The following ZMYM5 variants were observed in gnomAD, a reference collection of about 807,000 sequenced individuals.
The protein encoded by ZMYM5 is zinc finger MYM-type protein 5.
Under a neutral mutation model 61.8 loss-of-function variants are expected in ZMYM5, and 41 were observed. That is an observed-to-expected ratio of 0.66 (90% CI 0.52 to 0.86). The LOEUF (loss-of-function observed/expected upper bound fraction) is 0.86. Ranked by LOEUF, ZMYM5 falls within the 40% of genes least tolerant of loss-of-function variation. ZMYM5 has a pLI of 0.00. For missense variants in ZMYM5, 706 were observed against 786.7 expected, an observed-to-expected ratio of 0.90 and a Z score of 1.23; for synonymous variants, 257 against 276.4, an observed-to-expected ratio of 0.93 and a Z score of 0.70.
At chr13:19,850,981 GGT>G (rs1390514877) in intron 4 of ZMYM5, among the ~76,000 whole-genome samples, 1 of 152,196 alleles carries the variant, frequency 6.6e-6, no homozygotes, top group African/African-American at 2.4e-5. Flanking sequence ...AGCCAAGACA[GGT>G]GGATCACTTG....
intron 4 of ZMYM5, among the ~76,000 whole-genome samples, chr13:19,848,888 C>T (rs1302623910): frequency 6.6e-6 from 1 of 151,862 alleles, no homozygotes; most frequent in Non-Finnish European, 1.5e-5. Context: ...CTATACCTGG[C>T]TAAAGCTTTA....
At chr13:19,851,667 T>C (rs1286761236) in intron 3 of ZMYM5, 22 bp downstream of exon 3, 5 of 1,557,504 alleles carry the variant, frequency 3.2e-6, no homozygotes, top group Non-Finnish European at 4.3e-6. Flanking sequence ...GTGATACCAC[T>C]ATTACCCATT....
intron 6 of ZMYM5, 83 bp downstream of exon 6, chr13:19,837,573 A>T (rs1420551275): frequency 6.2e-7 from 1 of 1,608,404 alleles, no homozygotes; most frequent in East Asian, 2.2e-5. Flanking sequence ...TGCATTATGT[A>T]GATGAAAGAG....
At chr13:19,863,409 C>T (rs1465852973) in intron 1 of ZMYM5, 41 bp downstream of exon 1, 1 of 152,174 alleles carries the variant, frequency 6.6e-6, no homozygotes, top group Non-Finnish European at 1.5e-5. Flanking sequence ...CGGTGGGAGC[C>T]TCCGGAGGCT....
intron 2 of ZMYM5, among the ~76,000 whole-genome samples, chr13:19,861,008 G>T (rs546659907): frequency 4.7e-4 from 71 of 150,904 alleles, no homozygotes; most frequent in African/African-American, 1.5e-3. Flanking sequence ...TTAAGACAGG[G>T]TATGGCTCTG....
chr13:19,862,950 C>A (rs1311683166), intron 1 of ZMYM5, among the ~76,000 whole-genome samples: 1 of 152,204 alleles, frequency 6.6e-6, no homozygotes, highest in Non-Finnish European at 1.5e-5. Flanking sequence ...AGATCAGCAG[C>A]AAAGAGTAAA....
chr13:19,855,268 C>T (rs952747468), intron 2 of ZMYM5, among the ~76,000 whole-genome samples: 3 of 145,464 alleles, frequency 2.1e-5, no homozygotes, highest in Non-Finnish European at 1.5e-5. Context: ...ACAGTATCTT[C>T]TTTTTTTTTT....
chr13:19,825,876 G>C (rs1197286352), intron 7 of ZMYM5, among the ~76,000 whole-genome samples: 1 of 151,758 alleles, frequency 6.6e-6, no homozygotes, highest in African/African-American at 2.4e-5. Flanking sequence ...CCCCGTCTCT[G>C]CTAAAAATAC....
At chr13:19,830,183 G>A (rs935847585) in intron 7 of ZMYM5, among the ~76,000 whole-genome samples, 1 of 152,100 alleles carries the variant, frequency 6.6e-6, no homozygotes, top group Non-Finnish European at 1.5e-5. Flanking sequence ...ATTTTATGAC[G>A]TGTATGTTAT....
In ZMYM5 at chr13:19,825,082, G is replaced by A; in HGVS notation, c.1405C>T (p.Leu469=). ...IPEKKEKTSQ[L]QLSVECGTDT... ...GTGCCACATTCTACTGAAAGCTGTAGCTGTGAAGTCTTTTCCTTTTTTTCT... is the reference window on the plus strand; with the variant it reads ...GTGCCACATTCTACTGAAAGCTGTAACTGTGAAGTCTTTTCCTTTTTTTCT... Residue 469 remains leucine, a synonymous_variant, in exon 8 of 8, where the codon CTA becomes TTA. Coordinates refer to ENST00000337963, the MANE Select transcript of ZMYM5 (RefSeq NM_001142684.2). 1 of 1,367,528 alleles carries A rather than the reference G, an allele frequency of 7.3e-7. No individual in the cohort carries two copies. Among genetic ancestry groups the A allele is most frequent in the South Asian group, 1.1e-5 (1 of 88,008 alleles). The allele number at this position is 1,367,528 out of a possible 1,614,324, so 84.7% of individuals were successfully genotyped here.
rs115369593 is a variant in ZMYM5 at position 19,832,970 on chromosome 13, G to A, written c.1251+2507C>T. Among the ~76,000 whole-genome samples the A allele has an allele frequency of 8.6e-3, 1,302 of 152,020 alleles. 26 individuals carry two copies. The highest frequency in any genetic ancestry group is 0.03 in the African/African-American group (1,245 of 41,372). On this transcript the variant is annotated intron_variant, in intron 7 of 7. Coordinates refer to ENST00000337963, the MANE Select transcript of ZMYM5 (RefSeq NM_001142684.2). ...GTTGGTCTCCAACTCCTGGACTAGT[G>A]CCATCCTCCCATCTTGGCCTCCCAA...
At chr13:19,835,802 G>T (rs992745524) in intron 6 of ZMYM5, 113 bp from the exon 7 acceptor site, 21 of 732,078 alleles carry the variant, frequency 2.9e-5, no homozygotes, top group Non-Finnish European at 3.9e-5. Context: ...TCATATCTCA[G>T]AGGAAGATAT....
chr13:19,835,334 C>CT, intron 7 of ZMYM5, 143 bp downstream of exon 7: 1 of 574,042 alleles, frequency 1.7e-6, no homozygotes, highest in East Asian at 6.8e-5. Context: ...CAATCTTAGA[C>CT]TTGAATATTT....
intron 7 of ZMYM5, among the ~76,000 whole-genome samples, chr13:19,833,495 T>A (rs1310565205): frequency 6.6e-6 from 1 of 152,216 alleles, no homozygotes; most frequent in Non-Finnish European, 1.5e-5. Context: ...TTAGCCCATT[T>A]GTTTATATAC....
intron 4 of ZMYM5, among the ~76,000 whole-genome samples, chr13:19,849,751 G>A (rs1013052046): frequency 2.6e-5 from 4 of 152,020 alleles, no homozygotes; most frequent in South Asian, 2.1e-4. Flanking sequence ...AGGCTGAGGC[G>A]GGTGAATCAC....
At chr13:19,859,545 G>T (rs2138662522) in intron 2 of ZMYM5, among the ~76,000 whole-genome samples, 1 of 151,964 alleles carries the variant, frequency 6.6e-6, no homozygotes, top group African/African-American at 2.4e-5. Flanking sequence ...TGGGACTACA[G>T]GCACCTGCCA....
intron 7 of ZMYM5, among the ~76,000 whole-genome samples, chr13:19,825,784 T>A (rs1360337860): frequency 6.6e-6 from 1 of 151,888 alleles, no homozygotes; most frequent in Non-Finnish European, 1.5e-5. Context: ...CACATGCCTA[T>A]AATCCCAGCA....
At chr13:19,854,728 C>T (rs951361146) in intron 2 of ZMYM5, among the ~76,000 whole-genome samples, 24 of 150,014 alleles carry the variant, frequency 1.6e-4, no homozygotes, top group African/African-American at 5.4e-4. Flanking sequence ...TATATATTAA[C>T]TCAGTTAATG....
chr13:19,835,914 C>A (rs191826275), intron 6 of ZMYM5, among the ~76,000 whole-genome samples: 1 of 152,142 alleles, frequency 6.6e-6, no homozygotes, highest in African/African-American at 2.4e-5. Context: ...ACCTCTGCCT[C>A]CCATGTTCAA....
Sources: gnomAD v4.1 joint callset for allele counts (sites outside exome capture counted in the v4.1 genomes callset) on GRCh38, gnomAD v4.1.1 for gene constraint, MANE v1.5 for transcripts, NCBI Gene and HGNC (gene_info 2026-07-23, HGNC 2026-07-21) for gene names.